FOLR1: variants seen among roughly 807,000 people sequenced by gnomAD.
FOLR1 encodes the protein KB cells FBP.
Under a neutral mutation model 22.8 loss-of-function variants are expected in FOLR1, and 11 were observed. The observed-to-expected ratio is 0.48, with a 90% CI of 0.30 to 0.80. The LOEUF is 0.80. Ranked by LOEUF, FOLR1 falls within the 30% of genes least tolerant of loss-of-function variation. The pLI is 0.06. For missense variants in FOLR1, 273 were observed against 320.3 expected, an observed-to-expected ratio of 0.85 and a Z score of 1.13; for synonymous variants, 108 against 116.5, an observed-to-expected ratio of 0.93 and a Z score of 0.47.
At chr11:72,189,854 T>C (rs1948133786), upstream of FOLR1, 1 of 152,330 alleles carries the variant, frequency 6.6e-6, no homozygotes, top group African/African-American at 2.4e-5. Flanking sequence ...GGCCCTCTGT[T>C]TGCCTGAAGG....
At chr11:72,192,422 C>T (rs1022242812) in intron 1 of FOLR1, 81 bp downstream of exon 1, 21 of 1,472,792 alleles carry the variant, frequency 1.4e-5, no homozygotes, top group South Asian at 2.3e-5. Context: ...AAACCCCATT[C>T]ACTGGTGAAC....
At chr11:72,192,777 T>C (rs79738697) in intron 1 of FOLR1, among the ~76,000 whole-genome samples, 2 of 152,048 alleles carry the variant, frequency 1.3e-5, no homozygotes, top group Admixed American at 6.6e-5. Flanking sequence ...TTTTTTTTTT[T>C]CCTGAGACAA....
At position 72,196,046 on chromosome 11, in the gene FOLR1, G is replaced by A. The variant is rs910835204; in HGVS notation, c.643G>A (p.Asp215Asn). Residue 215 changes from aspartate to asparagine, a missense_variant, in exon 4 of 4, where the codon GAC becomes AAC. By Grantham distance (23) the Asp-to-Asn change is conservative. Transcript: ENST00000393676. ...TGGCCGCTGCATCCAGATGTGGTTCGACCCAGCCCAGGGCAACCCCAATGA... is the reference window on the plus strand; with the variant it reads ...TGGCCGCTGCATCCAGATGTGGTTCAACCCAGCCCAGGGCAACCCCAATGA... Reference protein sequence around the residue: ...GSGRCIQMWFDPAQGNPNEEV... With the variant: ...GSGRCIQMWFNPAQGNPNEEV... The A allele has an allele frequency of 3.7e-6, 6 of 1,614,070 alleles. No homozygotes were observed. Among genetic ancestry groups the A allele is most frequent in the East Asian group, 2.2e-5 (1 of 44,902 alleles).
chr11:72,196,183 T>G lies in FOLR1; in HGVS notation c.*6T>G. Reference sequence around the variant, plus strand: ...TGCTGTGGCTGCTCAGCTGACCTCCTTTTACCTTCTGATACCTGGAAATCC... The same window carrying G: ...TGCTGTGGCTGCTCAGCTGACCTCCGTTTACCTTCTGATACCTGGAAATCC... On this transcript the variant is annotated 3_prime_UTR_variant, in exon 4 of 4. Transcript: ENST00000393676. 1.9e-6 allele frequency: 3 copies of G among 1,614,032 alleles called. No homozygotes were observed. Among genetic ancestry groups the G allele is most frequent in the Non-Finnish European group, 2.5e-6 (3 of 1,179,914 alleles).
chr11:72,191,875 C>T (rs912255873), upstream of FOLR1, among the ~76,000 whole-genome samples: 4 of 152,148 alleles, frequency 2.6e-5, no homozygotes, highest in African/African-American at 9.7e-5. Context: ...TTGAATAAGG[C>T]ATTGTGGACC....
chr11:72,191,953 C>A, upstream of FOLR1: 1 of 568,566 alleles, frequency 1.8e-6, no homozygotes, highest in Non-Finnish European at 3.1e-6. Context: ...ACCTGAACCT[C>A]GTGACCACCT....
rs943879181 is a variant in FOLR1, at chr11:72,194,464, A to G, written c.169-807A>G. 3.3e-5 allele frequency among the ~76,000 whole-genome samples: 5 copies of G among 152,110 alleles called. No individual in the cohort carries two copies. The East Asian group carries it at 5.8e-4, about 18-fold the overall frequency. ...GCCCAGGCTGGAGTGCAGTGGCATG[A>G]TCTCGGCTCACTGCAAGCTCCACCT... is the stretch of plus-strand genomic sequence containing the variant. On this transcript the variant is annotated intron_variant, in intron 1 of 3. Coordinates refer to ENST00000393676, the MANE Select transcript of FOLR1 (RefSeq NM_016729.3).
upstream of FOLR1, among the ~76,000 whole-genome samples, chr11:72,191,262 C>T (rs1311474636): frequency 6.6e-6 from 1 of 152,094 alleles, no homozygotes; most frequent in African/African-American, 2.4e-5. Context: ...ACTAAACTAG[C>T]TTGAGTGATG....
chr11:72,193,717 C>T (rs1948188404), intron 1 of FOLR1, among the ~76,000 whole-genome samples: 1 of 151,094 alleles, frequency 6.6e-6, no homozygotes, highest in Non-Finnish European at 1.5e-5. Context: ...CTCTTGGCCT[C>T]CCAAAGTGCT....
upstream of FOLR1, among the ~76,000 whole-genome samples, chr11:72,191,660 C>A (rs146648630): frequency 0.014 from 2,086 of 152,278 alleles, 19 homozygotes; most frequent in Non-Finnish European, 0.02. Flanking sequence ...CCGCGCCCAG[C>A]CCATTTTTGT....
chr11:72,195,463 T>A lies in FOLR1; in HGVS notation c.357+4T>A, dbSNP rs1243976322. ...CTTGGGGCCCTGGATCCAGCAGGTA[T>A]GCATGGCTTCCTGCAGGTACAAGAC... On this transcript the variant is annotated splice_donor_region_variant and intron_variant, in intron 2 of 3. Transcript: ENST00000393676. The A allele has an allele frequency of 6.2e-7, 1 of 1,614,120 alleles. No individual in the cohort carries two copies. The highest frequency in any genetic ancestry group is 2.2e-5 in the East Asian group (1 of 44,892).
Position 72,195,471 on chromosome 11 carries a change from T to G in FOLR1, c.357+12T>G. ...CCTGGATCCAGCAGGTATGCATGGC[T>G]TCCTGCAGGTACAAGACCTAGCGGA... On this transcript the variant is annotated intron_variant, in intron 2 of 3. Coordinates refer to ENST00000393676, the MANE Select transcript of FOLR1 (RefSeq NM_016729.3). The G allele has an allele frequency of 6.2e-7, 1 of 1,614,110 alleles. No individual in the cohort carries two copies. Among genetic ancestry groups the G allele is most frequent in the South Asian group, 1.1e-5 (1 of 91,084 alleles).
At chr11:72,192,414 AC>A in intron 1 of FOLR1, 73 bp downstream of exon 1, 1 of 1,532,588 alleles carries the variant, frequency 6.5e-7, no homozygotes. Context: ...GAAATGCCAA[AC>A]CCCATTCACT....
upstream of FOLR1, chr11:72,190,246 C>T (rs567466197): frequency 1.2e-4 from 18 of 152,372 alleles, no homozygotes; most frequent in African/African-American, 4.1e-4. Context: ...ATCCCCAGCA[C>T]TGTGTGTTGG....
At position 72,192,214 on chromosome 11, in the gene FOLR1, T is replaced by A; in HGVS notation, c.41T>A (p.Val14Glu). Reference sequence around the variant, plus strand: ...ACAACACAGCTGCTGCTCCTTCTAGTGTGGGTGGCTGTAGTAGGGGAGGCT... The same window carrying A: ...ACAACACAGCTGCTGCTCCTTCTAGAGTGGGTGGCTGTAGTAGGGGAGGCT... ...RMTTQLLLLL[V>E]WVAVVGEAQT... The change falls in exon 1 of 4, where the codon GTG becomes GAG. Residue 14 changes from valine to glutamate, a missense_variant. By Grantham distance (121) the Val-to-Glu change is moderately radical. Coordinates refer to ENST00000393676, the MANE Select transcript of FOLR1 (RefSeq NM_016729.3). The A allele has an allele frequency of 6.2e-7, 1 of 1,614,124 alleles. No homozygotes were observed. Among genetic ancestry groups the A allele is most frequent in the Non-Finnish European group, 8.5e-7 (1 of 1,180,016 alleles).
Position 72,195,669 on chromosome 11 carries a change from T to C in FOLR1, c.415T>C (p.Cys139Arg), listed in dbSNP as rs772484521. 2.5e-6 allele frequency: 4 copies of C among 1,614,186 alleles called. No homozygotes were observed. The highest frequency in any genetic ancestry group is 3.4e-6 in the Non-Finnish European group (4 of 1,180,030). Reference sequence around the variant, plus strand: ...GAACGTGCCCCTGTGCAAAGAGGACTGTGAGCAATGGTGGGAAGATTGTCG... The same window carrying C: ...GAACGTGCCCCTGTGCAAAGAGGACCGTGAGCAATGGTGGGAAGATTGTCG... ...VLNVPLCKEDCEQWWEDCRTS... is the reference protein window; with the variant it reads ...VLNVPLCKEDREQWWEDCRTS... Residue 139 changes from cysteine (C) to arginine (R), a missense_variant, in exon 3 of 4, where the codon TGT (cysteine) becomes CGT (arginine). Coordinates refer to ENST00000393676, the MANE Select transcript of FOLR1 (RefSeq NM_016729.3).
Position 72,195,701 on chromosome 11 carries a change from C to T in FOLR1, c.447C>T (p.Ser149=), listed in dbSNP as rs191657981. Residue 149 remains serine, a synonymous_variant, in exon 3 of 4, where the codon TCC becomes TCT. Coordinates refer to ENST00000393676, the MANE Select transcript of FOLR1 (RefSeq NM_016729.3). ...AATGGTGGGAAGATTGTCGCACCTC[C>T]TACACCTGCAAGAGCAACTGGCACA... ...CEQWWEDCRT[S]YTCKSNWHKG... 73 of 1,614,224 alleles carry T rather than the reference C, an allele frequency of 4.5e-5. No homozygotes were observed. In the Middle Eastern group the frequency reaches 4.9e-4, roughly 11 times the overall value.
In FOLR1 at chr11:72,196,014, G is replaced by C; in HGVS notation, c.611G>C (p.Arg204Pro). Residue 204 changes from arginine (R) to proline (P), a missense_variant, in exon 4 of 4, where the codon CGA (arginine) becomes CCA (proline). Transcript: ENST00000393676. ...THSYKVSNYS[R>P]GSGRCIQMWF... Reference sequence around the variant, plus strand: ...TCCTACAAGGTCAGCAACTACAGCCGAGGGAGTGGCCGCTGCATCCAGATG... The same window carrying C: ...TCCTACAAGGTCAGCAACTACAGCCCAGGGAGTGGCCGCTGCATCCAGATG... The C allele has an allele frequency of 6.2e-7, 1 of 1,614,200 alleles. No homozygotes were observed. Among genetic ancestry groups the C allele is most frequent in the Non-Finnish European group, 8.5e-7 (1 of 1,180,036 alleles).
intron 1 of FOLR1, among the ~76,000 whole-genome samples, chr11:72,193,586 C>T (rs1815180982): frequency 6.7e-6 from 1 of 148,230 alleles, no homozygotes; most frequent in African/African-American, 2.5e-5. Flanking sequence ...AGGCACACGC[C>T]ACCACACCCA....
Sources: allele counts gnomAD v4.1 joint callset (sites outside exome capture counted in the v4.1 genomes callset), GRCh38; gene constraint gnomAD v4.1.1; transcripts MANE v1.5; gene names NCBI Gene and HGNC (gene_info 2026-07-23, HGNC 2026-07-21).